The following NELL1 variants were observed in gnomAD, a reference collection of about 807,000 sequenced individuals.
NELL1 encodes the protein neural EGFL like 1.
Under a neutral mutation model 107.4 loss-of-function variants are expected in NELL1, and 76 were observed. The observed-to-expected ratio is 0.71, with a 90% confidence interval of 0.59 to 0.86. The LOEUF is 0.86. NELL1 is among the 40% of genes least tolerant of loss of function. The probability of loss-of-function intolerance (pLI) is 0.00; values close to 1 mark genes in which losing one functional copy is unlikely to be tolerated. For missense variants in NELL1, 1,024 were observed against 1,005.5 expected (o/e 1.02, Z -0.25); for synonymous variants, 353 against 341.2 (o/e 1.03, Z -0.38).
chr11:21,516,855 A>T (rs1855578611), intron 15 of NELL1, among the ~76,000 whole-genome samples: 2 of 151,808 alleles, frequency 1.3e-5, no homozygotes, highest in Admixed American at 6.6e-5. Flanking sequence ...CCCAGGCTGA[A>T]GTGCAGTGGC....
chr11:21,560,182 A>G lies in NELL1; in HGVS notation c.1787-7A>G, dbSNP rs769759251. On this transcript the variant is annotated splice_region_variant and splice_polypyrimidine_tract_variant and intron_variant, in intron 16 of 19. Transcript: ENST00000357134. ...GATTCTAAGCTTCTGTGCTTCCTAT[A>G]TTGCAGACATTGATGAATGTGCCTT... 11 of 1,613,122 alleles carry G rather than the reference A, an allele frequency of 6.8e-6. No homozygotes were observed. Among genetic ancestry groups the G allele is most frequent in the South Asian group, 2.2e-5 (2 of 91,076 alleles).
chr11:21,240,065 C>CT (rs949740202), intron 14 of NELL1, among the ~76,000 whole-genome samples: 36 of 152,052 alleles, frequency 2.4e-4, no homozygotes, highest in African/African-American at 7.7e-4. Context: ...AGGGCAAAAG[C>CT]TATTACTTGG....
At chr11:20,895,577 C>G (rs1321447545) in intron 5 of NELL1, among the ~76,000 whole-genome samples, 1 of 133,664 alleles carries the variant, frequency 7.5e-6, no homozygotes, top group African/African-American at 2.6e-5. Flanking sequence ...GCGATCTTGG[C>G]TCACTGCAAC....
chr11:21,507,754 G>A (rs908141018), intron 15 of NELL1, among the ~76,000 whole-genome samples: 1 of 151,166 alleles, frequency 6.6e-6, no homozygotes, highest in Non-Finnish European at 1.5e-5. Flanking sequence ...ATACCAGAGA[G>A]TTATTAAAAG....
At chr11:20,737,470 A>G (rs77027468) in intron 2 of NELL1, among the ~76,000 whole-genome samples, 8,181 of 152,238 alleles carry the variant, frequency 0.054, 717 homozygotes, top group African/African-American at 0.19. Context: ...CCATGAATAC[A>G]TGATAATGCT....
chr11:21,108,857 A>G (rs567621476), intron 12 of NELL1, among the ~76,000 whole-genome samples: 1 of 152,260 alleles, frequency 6.6e-6, no homozygotes, highest in Admixed American at 6.5e-5. Flanking sequence ...AAATTCATGA[A>G]TGGCCTTGCA....
At chr11:20,913,132 G>A (rs567310236) in intron 5 of NELL1, among the ~76,000 whole-genome samples, 11 of 152,228 alleles carry the variant, frequency 7.2e-5, no homozygotes, top group Admixed American at 3.3e-4. Context: ...TGAGTTTACA[G>A]GTCCTACTTT....
At chr11:20,721,471 C>G (rs1855387567) in intron 2 of NELL1, among the ~76,000 whole-genome samples, 1 of 152,036 alleles carries the variant, frequency 6.6e-6, no homozygotes, top group South Asian at 2.1e-4. Context: ...TATAAGGAGG[C>G]TTGCTGTTGC....
chr11:21,229,679 T>G (rs558107625), intron 14 of NELL1, among the ~76,000 whole-genome samples: 4 of 152,366 alleles, frequency 2.6e-5, no homozygotes, highest in African/African-American at 9.6e-5. Flanking sequence ...GGGACACAGT[T>G]ACATAACTTG....
At chr11:21,570,723 G>A in intron 17 of NELL1, 41 bp from the exon 18 acceptor site, 1 of 1,582,220 alleles carries the variant, frequency 6.3e-7, no homozygotes, top group Non-Finnish European at 8.6e-7. Flanking sequence ...TGTCCATCAT[G>A]TCCTAAATGA....
At chr11:20,802,081 A>G (rs1008938291) in intron 3 of NELL1, among the ~76,000 whole-genome samples, 2 of 152,116 alleles carry the variant, frequency 1.3e-5, no homozygotes, top group African/African-American at 4.8e-5. Context: ...GTAATTCCAT[A>G]TAAAGTTTAG....
chr11:21,388,079 GTT>G (rs34490004), intron 15 of NELL1, among the ~76,000 whole-genome samples: 19,247 of 147,462 alleles, frequency 0.13, 1,409 homozygotes, highest in African/African-American at 0.2. Flanking sequence ...AAAATTCTAT[GTT>G]TTTTTTTTTT....
intron 3 of NELL1, 122 bp downstream of exon 3, chr11:20,783,952 T>C (rs1455825785): frequency 1.1e-6 from 1 of 877,244 alleles, no homozygotes; most frequent in Non-Finnish European, 1.6e-6. Context: ...TCATTTCTGT[T>C]GAACACATTC....
intron 14 of NELL1, among the ~76,000 whole-genome samples, chr11:21,246,873 T>C (rs1456023311): frequency 6.6e-6 from 1 of 152,112 alleles, no homozygotes. Context: ...TCTTATAAAA[T>C]CATCAGCTCT....
At chr11:21,046,390 G>A (rs56411401) in intron 12 of NELL1, among the ~76,000 whole-genome samples, 2,351 of 152,230 alleles carry the variant, frequency 0.015, 56 homozygotes, top group African/African-American at 0.053. Context: ...TGTACTGACT[G>A]TTTCAGCCTA....
At chr11:21,406,794 C>T (rs541155673) in intron 15 of NELL1, among the ~76,000 whole-genome samples, 2 of 151,986 alleles carry the variant, frequency 1.3e-5, no homozygotes, top group South Asian at 4.2e-4. Context: ...TTAGGGTATC[C>T]CTCACCTCAA....
intron 2 of NELL1, among the ~76,000 whole-genome samples, chr11:20,707,772 C>T (rs146260697): frequency 1.1e-4 from 17 of 152,180 alleles, no homozygotes; most frequent in South Asian, 2.1e-4. Flanking sequence ...AGGTGTCAGT[C>T]GGTTAGGCTA....
chr11:21,032,359 T>C (rs1408018484), intron 12 of NELL1, among the ~76,000 whole-genome samples: 1 of 152,092 alleles, frequency 6.6e-6, no homozygotes, highest in East Asian at 1.9e-4. Context: ...TTGTTTTCCT[T>C]ATAGACTTTA....
rs576868727 is a variant in NELL1, at chr11:21,258,027, C to T, written c.1549+28573C>T. ...GAGAAAGGACCATGACTCTTTGTCT[C>T]ACTGTAAGTGCTCAACTACAGGAGA... On this transcript the variant is annotated intron_variant, in intron 14 of 19. Coordinates refer to ENST00000357134, the MANE Select transcript of NELL1 (RefSeq NM_006157.5). 3.9e-5 allele frequency among the ~76,000 whole-genome samples: 6 copies of T among 152,134 alleles called. No homozygotes were observed. The East Asian group carries it at 5.8e-4, about 15-fold the overall frequency.
Sources: gnomAD v4.1 joint callset for allele counts (sites outside exome capture counted in the v4.1 genomes callset) on GRCh38, gnomAD v4.1.1 for gene constraint, MANE v1.5 for transcripts, NCBI Gene and HGNC (gene_info 2026-07-23, HGNC 2026-07-21) for gene names.